Variants in PSMD12 observed in about 807,000 individuals in gnomAD.
PSMD12 encodes the protein proteasome 26S subunit, non-ATPase 12.
In PSMD12, 8 loss-of-function variants were observed where a neutral mutation model predicts 62.9. The ratio of observed to expected loss-of-function variants is 0.13; its 90% confidence interval spans 0.07 to 0.23. The LOEUF (loss-of-function observed/expected upper bound fraction) is 0.23. PSMD12 is among the 10% of genes least tolerant of loss of function. The pLI is 1.00. For synonymous variants in PSMD12, 173 were observed against 187.4 expected (o/e 0.92, Z 0.63); for missense variants, 424 against 550.2 (o/e 0.77, Z 2.29).
At chr17:67,365,286 G>A (rs1284110892) in intron 1 of PSMD12, among the ~76,000 whole-genome samples, 3 of 151,938 alleles carry the variant, frequency 2.0e-5, no homozygotes, top group African/African-American at 7.3e-5. Flanking sequence ...GAATCGGTCT[G>A]CCTGGGTTTG....
intron 3 of PSMD12, 104 bp from the exon 4 acceptor site, chr17:67,350,440 A>G (rs2042006870): frequency 3.0e-6 from 2 of 677,798 alleles, no homozygotes; most frequent in Non-Finnish European, 4.6e-6. Context: ...CTTCCCAAGT[A>G]ACTCTAGACA....
intron 4 of PSMD12, among the ~76,000 whole-genome samples, chr17:67,350,024 A>G (rs1299104127): frequency 6.6e-6 from 1 of 152,224 alleles, no homozygotes; most frequent in African/African-American, 2.4e-5. Flanking sequence ...AAATCTAGAT[A>G]TACCATGGCT....
At chr17:67,359,531 T>C (rs2143730748) in intron 1 of PSMD12, among the ~76,000 whole-genome samples, 1 of 152,332 alleles carries the variant, frequency 6.6e-6, no homozygotes, top group African/African-American at 2.4e-5. Flanking sequence ...AGTACTATCC[T>C]TTTCTACTGA....
At position 67,345,686 on chromosome 17, in the gene PSMD12, T is replaced by A; in HGVS notation, c.908+59A>T. On this transcript the variant is annotated intron_variant, in intron 8 of 10. Transcript: ENST00000356126. ...AGAAGTATACACTTAGGTTAGCCAA[T>A]TTTCTTTCAAAATGGTGTTTCGACT... is the stretch of plus-strand genomic sequence containing the variant. 3 of 1,454,892 alleles carry A rather than the reference T, an allele frequency of 2.1e-6. No homozygotes were observed. In the South Asian group the frequency reaches 3.5e-5, roughly 17 times the overall value. The allele number at this position is 1,454,892 out of a possible 1,614,324, so 90.1% of individuals were successfully genotyped here. A position where few individuals can be genotyped will look rare whatever the true frequency, so the allele number is the denominator to read the frequency against.
chr17:67,351,583 GTTTTA>G (rs1036190336), intron 3 of PSMD12, among the ~76,000 whole-genome samples: 4 of 151,798 alleles, frequency 2.6e-5, no homozygotes, highest in Admixed American at 1.3e-4. Context: ...TGTGGAGGTG[GTTTTA>G]TTTTATTTTA....
intron 3 of PSMD12, among the ~76,000 whole-genome samples, chr17:67,356,147 T>G (rs570463551): frequency 1.3e-5 from 2 of 152,146 alleles, no homozygotes; most frequent in Admixed American, 1.3e-4. Context: ...TTAGTATTTG[T>G]TTAAGTCTAC....
chr17:67,342,498 T>A (rs1390862805), intron 9 of PSMD12: 1 of 322,448 alleles, frequency 3.1e-6, no homozygotes, highest in African/African-American at 2.1e-5. Flanking sequence ...ACACAGCTCT[T>A]TAAATATATA....
At chr17:67,347,676 C>G (rs1185226372) in intron 5 of PSMD12, among the ~76,000 whole-genome samples, 191 bp from the exon 6 acceptor site, 4 of 152,118 alleles carry the variant, frequency 2.6e-5, no homozygotes, top group Non-Finnish European at 5.9e-5. Context: ...GATTTTCCCC[C>G]TTTTGGTATA....
intron 1 of PSMD12, 101 bp downstream of exon 1, chr17:67,366,311 G>A (rs1213086023): frequency 1.8e-6 from 2 of 1,139,700 alleles, no homozygotes; most frequent in South Asian, 1.4e-5. Context: ...CAGGCATTGG[G>A]GGGTGCACGC....
chr17:67,340,548 T>C lies in PSMD12; in HGVS notation c.*295A>G. The C allele has an allele frequency of 1.2e-5, 3 of 254,964 alleles. No homozygotes were observed. Among genetic ancestry groups the C allele is most frequent in the Non-Finnish European group, 2.2e-5 (3 of 136,892 alleles). The allele number at this position is 254,964 out of a possible 1,614,324, so 15.8% of individuals were successfully genotyped here. ...TATTGGAATATGTTTGTTAGTTGAA[T>C]GAAAACAAACAGTAGCTAAAAAGGT... On this transcript the variant is annotated 3_prime_UTR_variant, in exon 11 of 11. Transcript: ENST00000356126.
intron 2 of PSMD12, 24 bp downstream of exon 2, chr17:67,357,495 A>T: frequency 6.2e-7 from 1 of 1,613,210 alleles, no homozygotes; most frequent in Non-Finnish European, 8.5e-7. Context: ...ATGGTAACTG[A>T]GCTTTCCCCT....
At chr17:67,345,498 T>A (rs1464576314) in intron 8 of PSMD12, 1 of 370,790 alleles carries the variant, frequency 2.7e-6, no homozygotes, top group Non-Finnish European at 5.1e-6. Context: ...AAAAATTAGC[T>A]CGGCATGGTA....
At chr17:67,363,393 C>T (rs143593724) in intron 1 of PSMD12, among the ~76,000 whole-genome samples, 317 of 152,318 alleles carry the variant, frequency 2.1e-3, no homozygotes, top group Non-Finnish European at 3.5e-3. Context: ...GATCTTTCCA[C>T]CTGGGCCTCC....
rs1488574982 is a variant in PSMD12 at position 67,338,868 on chromosome 17, A to C, written c.*1975T>G. 1 of 152,216 alleles carries C rather than the reference A, an allele frequency of 6.6e-6. No homozygotes were observed. The highest frequency in any genetic ancestry group is 1.5e-5 in the Non-Finnish European group (1 of 68,052). 9.4% of individuals were successfully genotyped at this position (152,216 alleles called of 1,614,324 possible). A position where few individuals can be genotyped will look rare whatever the true frequency, so the allele number is the denominator to read the frequency against. ...ACTCCGTCTCAAAAAATATGAAAAA[A>C]ATAAAGAGGAGGAACACTTGCAATC... On this transcript the variant is annotated 3_prime_UTR_variant, in exon 11 of 11. Coordinates refer to ENST00000356126, the MANE Select transcript of PSMD12 (RefSeq NM_002816.5).
In PSMD12 at chr17:67,348,604, T is replaced by C; in HGVS notation, c.456A>G (p.Ile152Met). ...CTTTCACATCACCATTTTGTTCTTT[T>C]ATAGTTGCTAATGTTTTAGTCAGTC... ...RARLTKTLAT[I>M]KEQNGDVKEA... The change falls in exon 5 of 11, where the codon ATA (isoleucine) becomes ATG (methionine). Residue 152 changes from isoleucine to methionine, a missense_variant. Physicochemically the swap from Ile to Met is conservative, Grantham distance 10 (BLOSUM62 1). Coordinates refer to ENST00000356126, the MANE Select transcript of PSMD12 (RefSeq NM_002816.5). 2 of 1,613,868 alleles carry C rather than the reference T, an allele frequency of 1.2e-6. 1 individual carries two copies. The highest frequency in any genetic ancestry group is 3.3e-4 in the Middle Eastern group (2 of 6,012).
At chr17:67,362,388 G>A (rs939229189) in intron 1 of PSMD12, among the ~76,000 whole-genome samples, 1 of 152,058 alleles carries the variant, frequency 6.6e-6, no homozygotes, top group African/African-American at 2.4e-5. Context: ...ATTTATACAG[G>A]CTCTGGCTGG....
intron 1 of PSMD12, among the ~76,000 whole-genome samples, chr17:67,358,960 A>C (rs1441127081): frequency 2.0e-5 from 3 of 152,248 alleles, no homozygotes; most frequent in Non-Finnish European, 4.4e-5. Flanking sequence ...AATAAAACTC[A>C]AATAATATAA....
At position 67,340,785 on chromosome 17, in the gene PSMD12, A is replaced by G. The variant is rs978579290; in HGVS notation, c.*58T>C. On this transcript the variant is annotated 3_prime_UTR_variant, in exon 11 of 11. Transcript: ENST00000356126. Reference sequence around the variant, plus strand: ...AAAAAACCCCAACATATACACCATTATAACAGTCTTTTTTTAATGACTTCC... The same window carrying G: ...AAAAAACCCCAACATATACACCATTGTAACAGTCTTTTTTTAATGACTTCC... The G allele has an allele frequency of 6.0e-5, 83 of 1,379,410 alleles. No homozygotes were observed. The highest frequency in any genetic ancestry group is 1.8e-4 in the Middle Eastern group (1 of 5,534). The allele number at this position is 1,379,410 out of a possible 1,614,324, so 85.4% of individuals were successfully genotyped here. A position where few individuals can be genotyped will look rare whatever the true frequency, so the allele number is the denominator to read the frequency against.
At chr17:67,346,993 C>G in intron 7 of PSMD12, 123 bp downstream of exon 7, 1 of 1,070,754 alleles carries the variant, frequency 9.3e-7, no homozygotes, top group Non-Finnish European at 1.3e-6. Flanking sequence ...CTGAACAACA[C>G]TGAATAGAAA....
Sources: allele counts gnomAD v4.1 joint callset (sites outside exome capture counted in the v4.1 genomes callset), GRCh38; gene constraint gnomAD v4.1.1; transcripts MANE v1.5; gene names NCBI Gene and HGNC (gene_info 2026-07-23, HGNC 2026-07-21).